FBXO39: variants seen among roughly 807,000 people sequenced by gnomAD.
FBXO39 encodes F-box protein 39, also known as F-box only protein 39.
In FBXO39, 22 loss-of-function variants were observed where a neutral mutation model predicts 36.6. The ratio of observed to expected loss-of-function variants is 0.60; its 90% CI spans 0.43 to 0.86. The LOEUF is 0.86. Ranked by LOEUF, FBXO39 falls within the 40% of genes least tolerant of loss-of-function variation. FBXO39 has a pLI of 0.00. For synonymous variants in FBXO39, 206 were observed against 205.8 expected, an observed-to-expected ratio of 1.00 and a Z score of -0.01; for missense variants, 536 against 543.9, an observed-to-expected ratio of 0.99 and a Z score of 0.14.
intron 3 of FBXO39, 72 bp downstream of exon 3, chr17:6,787,028 G>T: frequency 6.6e-7 from 1 of 1,509,986 alleles, no homozygotes. Context: ...GCTCTGGAAC[G>T]AAGGGCTGAA....
chr17:6,782,617 G>T (rs944243314), intron 2 of FBXO39, among the ~76,000 whole-genome samples: 2 of 152,046 alleles, frequency 1.3e-5, no homozygotes, highest in Non-Finnish European at 2.9e-5. Flanking sequence ...AAAAGAGGAG[G>T]AGTAGCTATA....
chr17:6,783,131 T>C (rs1317260754), intron 2 of FBXO39, among the ~76,000 whole-genome samples: 1 of 152,120 alleles, frequency 6.6e-6, no homozygotes, highest in Admixed American at 6.5e-5. Flanking sequence ...GGAAATTATA[T>C]GAAGACATGG....
chr17:6,779,468 C>T (rs4796353), intron 1 of FBXO39, among the ~76,000 whole-genome samples: 35,505 of 152,140 alleles, frequency 0.23, 4,558 homozygotes, highest in East Asian at 0.59. Flanking sequence ...CCAACTCAGA[C>T]GTCGCTTCCT....
At position 6,780,666 on chromosome 17, in the gene FBXO39, G is replaced by A; in HGVS notation, c.798G>A (p.Gln266=). The part of the protein sequence containing the change: ...IKCHVHDPHG[Q]VIWGMSWAKL... Reference sequence around the variant, plus strand: ...GCCACGTTCATGACCCCCACGGACAGGTCATCTGGGGTATGTCCTGGGCCA... The same window carrying A: ...GCCACGTTCATGACCCCCACGGACAAGTCATCTGGGGTATGTCCTGGGCCA... The change falls in exon 2 of 4, where the codon CAG becomes CAA. Residue 266 remains glutamine, a synonymous_variant. Coordinates refer to ENST00000321535, the MANE Select transcript of FBXO39 (RefSeq NM_153230.3). 7 of 1,614,144 alleles carry A rather than the reference G, an allele frequency of 4.3e-6. No homozygotes were observed. The highest frequency in any genetic ancestry group is 5.9e-6 in the Non-Finnish European group (7 of 1,180,028).
In FBXO39 at chr17:6,780,683, C is replaced by T; in HGVS notation, c.815C>T (p.Ser272Phe). 2 of 1,614,130 alleles carry T rather than the reference C, an allele frequency of 1.2e-6. No homozygotes were observed. The highest frequency in any genetic ancestry group is 2.2e-5 in the South Asian group (2 of 91,080). ...CACGGACAGGTCATCTGGGGTATGT[C>T]CTGGGCCAAGCTGGCCAGGCAGGCC... The part of the protein sequence containing the change: ...DPHGQVIWGM[S>F]WAKLARQATN... Residue 272 changes from serine to phenylalanine, a missense_variant, in exon 2 of 4, where the codon TCC becomes TTC. Coordinates refer to ENST00000321535, the MANE Select transcript of FBXO39 (RefSeq NM_153230.3).
intron 2 of FBXO39, among the ~76,000 whole-genome samples, chr17:6,786,441 G>A (rs1258560293): frequency 4.6e-5 from 7 of 152,106 alleles, no homozygotes; most frequent in South Asian, 2.1e-4. Context: ...TTGATAGCAC[G>A]ACAGGGTGTC....
intron 3 of FBXO39, 51 bp from the exon 4 acceptor site, chr17:6,787,234 GTGTATGTGTGTGTGT>G: frequency 6.9e-7 from 1 of 1,439,898 alleles, no homozygotes; most frequent in Non-Finnish European, 9.4e-7. Context: ...GTGTGTGTGT[GTGTATGTGTGTGTGT>G]GTGTGCGTGT....
chr17:6,786,438 C>T (rs1478426149), intron 2 of FBXO39, among the ~76,000 whole-genome samples: 1 of 151,992 alleles, frequency 6.6e-6, no homozygotes, highest in Non-Finnish European at 1.5e-5. Context: ...TATTTGATAG[C>T]ACGACAGGGT....
At position 6,787,301 on chromosome 17, in the gene FBXO39, C is replaced by T. The variant is rs761295686; in HGVS notation, c.1202C>T (p.Ala401Val). The T allele has an allele frequency of 3.7e-6, 6 of 1,612,572 alleles. No homozygotes were observed. The highest frequency in any genetic ancestry group is 2.7e-5 in the African/African-American group (2 of 74,460). Residue 401 changes from alanine to valine, a missense_variant and splice_region_variant, in exon 4 of 4, where the codon GCG becomes GTG. Ala to Val is a moderately conservative substitution (Grantham distance 64). Coordinates refer to ENST00000321535, the MANE Select transcript of FBXO39 (RefSeq NM_153230.3). ...GGATGTATTTCTCTGTTGGCACAGG[C>T]GAGAATTTATACAAACAGATATGAG... ...ERQCALRVFKARIYTNRYETN... is the reference protein window; with the variant it reads ...ERQCALRVFKVRIYTNRYETN...
Position 6,787,586 on chromosome 17 carries a change from G to A in FBXO39, c.*158G>A. 1.3e-6 allele frequency: 1 copy of A among 753,494 alleles called. No homozygotes were observed. Among genetic ancestry groups the A allele is most frequent in the Non-Finnish European group, 2.1e-6 (1 of 479,790 alleles). 46.7% of individuals were successfully genotyped at this position (753,494 alleles called of 1,614,324 possible). A position where few individuals can be genotyped will look rare whatever the true frequency, so the allele number is the denominator to read the frequency against. ...TGACAACATGACCAGCTCAGCAAAG[G>A]CTGAGACTGCCCATGACCTGAAGGC... On this transcript the variant is annotated 3_prime_UTR_variant, in exon 4 of 4. Coordinates refer to ENST00000321535, the MANE Select transcript of FBXO39 (RefSeq NM_153230.3).
chr17:6,782,068 A>T (rs1411992289), intron 2 of FBXO39, among the ~76,000 whole-genome samples: 1 of 152,252 alleles, frequency 6.6e-6, no homozygotes, highest in African/African-American at 2.4e-5. Flanking sequence ...ACAACTTTTC[A>T]AGACATAGAC....
chr17:6,787,509 C>T lies in FBXO39; in HGVS notation c.*81C>T, dbSNP rs1334438437. On this transcript the variant is annotated 3_prime_UTR_variant, in exon 4 of 4. Transcript: ENST00000321535. ...TCTTAGAACTACACTTGGGCACTGC[C>T]GGCCCTTTTGCTCCTCTCTCTCCCC... The T allele has an allele frequency of 5.1e-6, 8 of 1,554,814 alleles. No individual in the cohort carries two copies. Among genetic ancestry groups the T allele is most frequent in the Admixed American group, 3.6e-5 (2 of 55,870 alleles).
chr17:6,778,900 C>T (rs1976466210), intron 1 of FBXO39, among the ~76,000 whole-genome samples: 1 of 152,118 alleles, frequency 6.6e-6, no homozygotes, highest in Admixed American at 6.5e-5. Context: ...CAAACACATC[C>T]CCATTCCCAC....
chr17:6,787,563 A>G lies in FBXO39; in HGVS notation c.*135A>G, dbSNP rs995042336. The G allele has an allele frequency of 1.8e-4, 177 of 997,460 alleles. No individual in the cohort carries two copies. Among genetic ancestry groups the G allele is most frequent in the Non-Finnish European group, 1.6e-4 (113 of 685,170 alleles). 61.8% of individuals were successfully genotyped at this position (997,460 alleles called of 1,614,324 possible). A position where few individuals can be genotyped will look rare whatever the true frequency, so the allele number is the denominator to read the frequency against. On this transcript the variant is annotated 3_prime_UTR_variant, in exon 4 of 4. Transcript: ENST00000321535. ...ACTTTTTTTTTTTGTCAGCTCCATG[A>G]CAACATGACCAGCTCAGCAAAGGCT... is the stretch of plus-strand genomic sequence containing the variant.
chr17:6,787,276 G>T, intron 3 of FBXO39, 24 bp from the exon 4 acceptor site: 1 of 1,609,646 alleles, frequency 6.2e-7, no homozygotes, highest in South Asian at 1.1e-5. Flanking sequence ...GCTCATATGT[G>T]GATGTATTTC....
At position 6,787,367 on chromosome 17, in the gene FBXO39, A is replaced by T; in HGVS notation, c.1268A>T (p.Lys423Met). Residue 423 changes from lysine to methionine, a missense_variant, in exon 4 of 4, where the codon AAG becomes ATG. Coordinates refer to ENST00000321535, the MANE Select transcript of FBXO39 (RefSeq NM_153230.3). The stretch of plus-strand genomic sequence containing the variant: ...AAGACCCTGCAGGAAATTTACAGGA[A>T]GTACAGAAAGCTGATCGAATCAGAG... ...EDKTLQEIYR[K>M]YRKLIESELS... The T allele has an allele frequency of 6.2e-7, 1 of 1,614,142 alleles. No individual in the cohort carries two copies. The highest frequency in any genetic ancestry group is 8.5e-7 in the Non-Finnish European group (1 of 1,180,010).
intron 1 of FBXO39, among the ~76,000 whole-genome samples, chr17:6,777,016 T>C (rs1976428960): frequency 6.6e-6 from 1 of 152,096 alleles, no homozygotes; most frequent in Non-Finnish European, 1.5e-5. Context: ...AACCCCACCC[T>C]TACAGCACCA....
Position 6,786,533 on chromosome 17 carries a change from G to C in FBXO39, c.1024-247G>C, listed in dbSNP as rs140600244. 7.2e-5 allele frequency among the ~76,000 whole-genome samples: 11 copies of C among 152,292 alleles called. No individual in the cohort carries two copies. The East Asian group carries it at 2.1e-3, about 29-fold the overall frequency. On this transcript the variant is annotated intron_variant, in intron 2 of 3. Coordinates refer to ENST00000321535, the MANE Select transcript of FBXO39 (RefSeq NM_153230.3). ...ATTGTTTGTAACACAAAGGATAAAT[G>C]CTTGAAGTCATGGATACTCTATTTA...
Position 6,780,664 on chromosome 17 carries a change from C to G in FBXO39, c.796C>G (p.Gln266Glu). The change falls in exon 2 of 4, where the codon CAG becomes GAG. Residue 266 changes from glutamine to glutamate, a missense_variant. Physicochemically the swap from Gln to Glu is conservative, Grantham distance 29 (BLOSUM62 2). Transcript: ENST00000321535. ...ATGCCACGTTCATGACCCCCACGGA[C>G]AGGTCATCTGGGGTATGTCCTGGGC... ...IKCHVHDPHG[Q>E]VIWGMSWAKL... is the part of the protein sequence containing the mutation. The G allele has an allele frequency of 1.2e-6, 2 of 1,614,146 alleles. No homozygotes were observed. The highest frequency in any genetic ancestry group is 1.7e-6 in the Non-Finnish European group (2 of 1,180,030).
Sources: allele counts gnomAD v4.1 joint callset (sites outside exome capture counted in the v4.1 genomes callset), GRCh38; gene constraint gnomAD v4.1.1; transcripts MANE v1.5; gene names NCBI Gene and HGNC (gene_info 2026-07-23, HGNC 2026-07-21).